Variants in CNTLN observed in about 807,000 individuals in gnomAD.
CNTLN encodes centlein, also known as centlein, centrosomal protein.
A neutral mutation model predicts 180.0 loss-of-function variants in CNTLN; 212 were observed. The observed-to-expected ratio is 1.18, with a 90% CI of 1.05 to 1.32. The LOEUF (loss-of-function observed/expected upper bound fraction) is 1.32. Ranked by LOEUF, CNTLN falls within the 40% of genes most tolerant of loss-of-function variation. The pLI, the probability that CNTLN is intolerant of heterozygous loss-of-function variation, is 0.00. For missense variants in CNTLN, 2,095 were observed against 1,610.9 expected, an observed-to-expected ratio of 1.30 and a Z score of -5.14; for synonymous variants, 722 against 563.1, an observed-to-expected ratio of 1.28 and a Z score of -3.99.
intron 5 of CNTLN, among the ~76,000 whole-genome samples, chr9:17,264,225 G>T (rs1428545595): frequency 6.8e-6 from 1 of 147,122 alleles, no homozygotes; most frequent in Admixed American, 6.7e-5. Flanking sequence ...TTTGTATAAG[G>T]TGTAAGGAAG....
At chr9:17,256,570 T>A (rs896688117) in intron 5 of CNTLN, among the ~76,000 whole-genome samples, 1 of 151,796 alleles carries the variant, frequency 6.6e-6, no homozygotes, top group African/African-American at 2.4e-5. Flanking sequence ...TCTTTTTTTT[T>A]TTAGTGTAAA....
At chr9:17,517,993 C>T in the CNTLN span, among the ~76,000 whole-genome samples, 1 of 150,622 alleles carries the variant, frequency 6.6e-6, no homozygotes, top group African/African-American at 2.4e-5. Flanking sequence ...CCCTAATCAC[C>T]TCCTACCCCC....
Position 17,502,579 on chromosome 9 carries a change from C to T in CNTLN, c.4148C>T (p.Ala1383Val). The T allele has an allele frequency of 1.4e-6, 2 of 1,403,078 alleles. No homozygotes were observed. The highest frequency in any genetic ancestry group is 2.4e-5 in the East Asian group (1 of 41,008). The allele number at this position is 1,403,078 out of a possible 1,614,324, so 86.9% of individuals were successfully genotyped here. The part of the protein sequence containing the change: ...QLPFASYLLE[A>V]VLEKINEKKK... The stretch of plus-strand genomic sequence containing the variant: ...CCTTTTGCCTCATATTTACTAGAAG[C>T]AGTACTGGAAAAAATAAATGAAAAA... Residue 1383 changes from alanine (A) to valine (V), a missense_variant, in exon 26 of 26, where the codon GCA (alanine) becomes GTA (valine). Transcript: ENST00000380647.
At chr9:17,372,779 A>G (rs1042746114) in intron 13 of CNTLN, among the ~76,000 whole-genome samples, 4 of 152,174 alleles carry the variant, frequency 2.6e-5, no homozygotes, top group Admixed American at 2.0e-4. Context: ...ATTAGTCATC[A>G]TGACCAGGTG....
At chr9:17,459,214 T>C (rs1266304447) in intron 19 of CNTLN, among the ~76,000 whole-genome samples, 1 of 151,918 alleles carries the variant, frequency 6.6e-6, no homozygotes, top group East Asian at 1.9e-4. Context: ...ATATTTTACT[T>C]ATTTTACTTA....
intron 25 of CNTLN, among the ~76,000 whole-genome samples, chr9:17,499,879 T>C (rs761358827): frequency 1.2e-4 from 19 of 152,122 alleles, no homozygotes; most frequent in Non-Finnish European, 2.8e-4. Context: ...AAACAGCAAG[T>C]AGAGTGAGCA....
At chr9:17,456,460 A>C (rs998999560) in intron 18 of CNTLN, among the ~76,000 whole-genome samples, 1 of 152,166 alleles carries the variant, frequency 6.6e-6, no homozygotes, top group African/African-American at 2.4e-5. Context: ...CATGATCTGA[A>C]ATATTCATAT....
At chr9:17,483,974 C>T (rs901190131) in intron 23 of CNTLN, among the ~76,000 whole-genome samples, 5 of 152,126 alleles carry the variant, frequency 3.3e-5, no homozygotes, top group African/African-American at 1.2e-4. Flanking sequence ...AGTGTTAGGT[C>T]AACTAGTAGA....
At chr9:17,306,146 A>ATTT (rs572150057) in intron 7 of CNTLN, among the ~76,000 whole-genome samples, 2 of 128,004 alleles carry the variant, frequency 1.6e-5, no homozygotes, top group Non-Finnish European at 1.7e-5. Context: ...TTAGTCGTCT[A>ATTT]TTTTTTTTTT....
At chr9:17,177,857 G>A (rs1173309864) in intron 2 of CNTLN, among the ~76,000 whole-genome samples, 2 of 152,136 alleles carry the variant, frequency 1.3e-5, no homozygotes, top group East Asian at 1.9e-4. Context: ...GGACCTGAAT[G>A]GGTTGCCACT....
intron 6 of CNTLN, among the ~76,000 whole-genome samples, chr9:17,283,907 G>T (rs1174433129): frequency 6.6e-6 from 1 of 152,160 alleles, no homozygotes; most frequent in African/African-American, 2.4e-5. Context: ...TTATTGATTT[G>T]TGTATGTTGA....
chr9:17,386,595 T>A (rs962325339), intron 13 of CNTLN, among the ~76,000 whole-genome samples: 25 of 152,184 alleles, frequency 1.6e-4, no homozygotes, highest in African/African-American at 5.6e-4. Context: ...GGCATGAGCT[T>A]ATCTTCTTGA....
rs555257580 is a variant in CNTLN at position 17,271,782 on chromosome 9, A to T, written c.850-1951A>T. Among the ~76,000 whole-genome samples, 37 of 152,246 alleles carry T rather than the reference A, an allele frequency of 2.4e-4. 1 individual carries two copies. The highest frequency in any genetic ancestry group is 9.2e-4 in the Admixed American group (14 of 15,288). On this transcript the variant is annotated intron_variant, in intron 5 of 25. Coordinates refer to ENST00000380647, the MANE Select transcript of CNTLN (RefSeq NM_017738.4). ...GAATATATTTTAAATTTGACTCTTC[A>T]TCACCTCTGTTATTACTTATCAAGC...
intron 9 of CNTLN, among the ~76,000 whole-genome samples, chr9:17,331,038 A>G (rs146556986): frequency 0.013 from 1,997 of 152,108 alleles, 44 homozygotes; most frequent in African/African-American, 0.046. Context: ...TATTAGTGCT[A>G]TACCCATTTT....
intron 15 of CNTLN, among the ~76,000 whole-genome samples, chr9:17,404,372 A>T (rs908870990): frequency 6.6e-6 from 1 of 150,964 alleles, no homozygotes; most frequent in Non-Finnish European, 1.5e-5. Flanking sequence ...TTTGCTTCTC[A>T]TTAGTATGAT....
At chr9:17,507,461 T>TCC (rs1564161171), downstream of CNTLN, among the ~76,000 whole-genome samples, 1 of 152,124 alleles carries the variant, frequency 6.6e-6, no homozygotes, top group African/African-American at 2.4e-5. Context: ...CATACAAAAG[T>TCC]AGATATCATT....
In CNTLN at chr9:17,409,520, A is replaced by G. The variant is rs756545088; in HGVS notation, c.2796+47A>G. On this transcript the variant is annotated intron_variant, in intron 16 of 25. Transcript: ENST00000380647. Reference sequence around the variant, plus strand: ...AATTGTATGCTATGTTTTAAATTTTATCTTATGCTTTATAACTTAAGTAAA... The same window carrying G: ...AATTGTATGCTATGTTTTAAATTTTGTCTTATGCTTTATAACTTAAGTAAA... 11 of 1,351,500 alleles carry G rather than the reference A, an allele frequency of 8.1e-6. No individual in the cohort carries two copies. In the South Asian group the frequency reaches 1.6e-4, roughly 20 times the overall value. 83.7% of individuals were successfully genotyped at this position (1,351,500 alleles called of 1,614,324 possible).
chr9:17,459,320 C>T (rs971201268), intron 19 of CNTLN, among the ~76,000 whole-genome samples: 2 of 151,698 alleles, frequency 1.3e-5, no homozygotes, highest in African/African-American at 4.8e-5. Context: ...GTTTTTACCC[C>T]ACATACAAAT....
At position 17,410,162 on chromosome 9, in the gene CNTLN, T is replaced by A. The variant is rs536335270; in HGVS notation, c.2796+689T>A. On this transcript the variant is annotated intron_variant, in intron 16 of 25. Transcript: ENST00000380647. The stretch of plus-strand genomic sequence containing the variant: ...AGAATATATGCTAAATGACTGCTGA[T>A]TGATTGATAAATAGATTTTATAGAA... 1.2e-4 allele frequency among the ~76,000 whole-genome samples: 19 copies of A among 152,218 alleles called. No individual in the cohort carries two copies. In the East Asian group the frequency reaches 3.7e-3, roughly 29 times the overall value.
Sources: gnomAD v4.1 joint callset for allele counts (sites outside exome capture counted in the v4.1 genomes callset) on GRCh38, gnomAD v4.1.1 for gene constraint, MANE v1.5 for transcripts, NCBI Gene and HGNC (gene_info 2026-07-23, HGNC 2026-07-21) for gene names.